The following PAK5 variants were observed in gnomAD, a reference collection of about 807,000 sequenced individuals.
The protein encoded by PAK5 is p21 (RAC1) activated kinase 5.
PAK5 carries 16 observed loss-of-function variants against 65.9 expected under a neutral mutation model. That is an observed-to-expected ratio of 0.24 (90% CI 0.16 to 0.37). The LOEUF (loss-of-function observed/expected upper bound fraction) is 0.37. Ranked by LOEUF, PAK5 falls within the 10% of genes least tolerant of loss-of-function variation. The pLI, the probability that PAK5 is intolerant of heterozygous loss-of-function variation, is 1.00. For synonymous variants in PAK5, 371 were observed against 354.9 expected, an observed-to-expected ratio of 1.05 and a Z score of -0.51; for missense variants, 785 against 903.9, an observed-to-expected ratio of 0.87 and a Z score of 1.69.
Position 9,537,853 on chromosome 20 carries a change from TAGA to T in PAK5, c.*1606_*1608del. The T allele has an allele frequency of 4.4e-6, 1 of 227,576 alleles. No homozygotes were observed. The highest frequency in any genetic ancestry group is 6.4e-5 in the East Asian group (1 of 15,600). The allele number at this position is 227,576 out of a possible 1,614,324, so 14.1% of individuals were successfully genotyped here. ...GAAAGAAAACTGAAAATCTAATCAG[TAGA>T]AGGTCATTTTATGCCTTTTTTCCTT... On this transcript the variant is annotated 3_prime_UTR_variant, in exon 10 of 10. Transcript: ENST00000353224.
chr20:9,678,430 T>C (rs1600231877), intron 2 of PAK5, among the ~76,000 whole-genome samples: 1 of 151,922 alleles, frequency 6.6e-6, no homozygotes, highest in African/African-American at 2.4e-5. Context: ...AGCCGGGCAT[T>C]GTGGCAGGCG....
intron 3 of PAK5, among the ~76,000 whole-genome samples, chr20:9,616,916 G>A (rs2046667521): frequency 1.3e-5 from 2 of 152,290 alleles, no homozygotes; most frequent in South Asian, 4.1e-4. Context: ...AAATCTTTTT[G>A]TTTATTCTTT....
intron 7 of PAK5, among the ~76,000 whole-genome samples, chr20:9,547,394 C>T (rs555561250): frequency 2.0e-5 from 3 of 152,330 alleles, no homozygotes; most frequent in South Asian, 4.1e-4. Flanking sequence ...GCTCTTACTA[C>T]CTGCCAGGTA....
intron 2 of PAK5, among the ~76,000 whole-genome samples, chr20:9,662,659 C>A (rs2047362003): frequency 6.6e-6 from 1 of 152,106 alleles, no homozygotes; most frequent in Non-Finnish European, 1.5e-5. Flanking sequence ...ACTTGCTGAC[C>A]AGGAGCACCT....
At chr20:9,592,265 G>A (rs921957146) in intron 3 of PAK5, among the ~76,000 whole-genome samples, 2 of 152,100 alleles carry the variant, frequency 1.3e-5, no homozygotes, top group African/African-American at 4.8e-5. Flanking sequence ...TCAGTGATAG[G>A]TACACTAGAA....
At chr20:9,775,248 A>G (rs2048875686) in intron 1 of PAK5, among the ~76,000 whole-genome samples, 1 of 142,978 alleles carries the variant, frequency 7.0e-6, no homozygotes, top group Admixed American at 6.9e-5. Flanking sequence ...CTGAATGTAA[A>G]TTACACCTGA....
In PAK5 at chr20:9,557,669, T is replaced by C; in HGVS notation, c.1682A>G (p.Asn561Ser). ...TATGTCCCTGTGAATCACTCCTTGG[T>C]TATGAAGGTAGGAGAGAGCTCTCAG... ...SVLRALSYLH[N>S]QGVIHRDIKS... Residue 561 changes from asparagine to serine, a missense_variant, in exon 7 of 10, where the codon AAC becomes AGC. By Grantham distance (46) the Asn-to-Ser change is conservative. Around this residue, in one of 4 missense-constraint regions of PAK5, gnomAD observed 182 missense variants for 273.0 expected, o/e 0.67. Transcript: ENST00000353224. The C allele has an allele frequency of 6.2e-7, 1 of 1,611,700 alleles. No homozygotes were observed. Among genetic ancestry groups the C allele is most frequent in the South Asian group, 1.1e-5 (1 of 90,878 alleles).
intron 2 of PAK5, among the ~76,000 whole-genome samples, chr20:9,687,487 T>C (rs1185825805): frequency 1.3e-5 from 2 of 152,240 alleles, no homozygotes; most frequent in Admixed American, 6.5e-5. Flanking sequence ...TTTTGAATTC[T>C]GATTTCCTTC....
intron 1 of PAK5, among the ~76,000 whole-genome samples, chr20:9,809,320 G>A (rs1481157379): frequency 6.7e-6 from 1 of 148,516 alleles, no homozygotes; most frequent in Admixed American, 6.8e-5. Flanking sequence ...CTACTTTTCT[G>A]TTGAGGCAAT....
At chr20:9,641,708 G>A (rs542296003) in intron 3 of PAK5, among the ~76,000 whole-genome samples, 10 of 152,160 alleles carry the variant, frequency 6.6e-5, no homozygotes, top group South Asian at 6.2e-4. Flanking sequence ...CAGGCATGGC[G>A]GGCTGCAGGT....
intron 1 of PAK5, among the ~76,000 whole-genome samples, chr20:9,821,675 C>T (rs6039596): frequency 6.6e-6 from 1 of 152,282 alleles, no homozygotes. Context: ...TCACTTTTTC[C>T]TGATCAAATA....
At chr20:9,759,789 G>C (rs2048677651) in intron 1 of PAK5, among the ~76,000 whole-genome samples, 2 of 152,144 alleles carry the variant, frequency 1.3e-5, no homozygotes, top group African/African-American at 4.8e-5. Flanking sequence ...CCTGGTCTCA[G>C]GAATGTTGGG....
At chr20:9,618,014 C>T (rs2046692536) in intron 3 of PAK5, among the ~76,000 whole-genome samples, 1 of 152,078 alleles carries the variant, frequency 6.6e-6, no homozygotes, top group African/African-American at 2.4e-5. Flanking sequence ...AAGGTCGAAC[C>T]TATCAAAAGA....
At chr20:9,801,104 G>T (rs906832109) in intron 1 of PAK5, among the ~76,000 whole-genome samples, 2 of 152,002 alleles carry the variant, frequency 1.3e-5, no homozygotes, top group Admixed American at 6.6e-5. Flanking sequence ...AAGACATAGA[G>T]GTTTCCTACT....
At chr20:9,747,594 A>T (rs1469167625) in intron 1 of PAK5, among the ~76,000 whole-genome samples, 1 of 151,750 alleles carries the variant, frequency 6.6e-6, no homozygotes, top group East Asian at 1.9e-4. Flanking sequence ...CCACATGATT[A>T]TCTCAATAGA....
chr20:9,702,986 T>C (rs1225914120), intron 2 of PAK5, among the ~76,000 whole-genome samples: 2 of 152,166 alleles, frequency 1.3e-5, no homozygotes, highest in Admixed American at 1.3e-4. Context: ...GGATCCCTTA[T>C]TGTCTTTGTG....
intron 3 of PAK5, among the ~76,000 whole-genome samples, chr20:9,614,856 T>G (rs1600144922): frequency 6.6e-6 from 1 of 152,194 alleles, no homozygotes; most frequent in African/African-American, 2.4e-5. Context: ...AAAATTGTTA[T>G]AGGTCAGAAG....
intron 1 of PAK5, among the ~76,000 whole-genome samples, chr20:9,723,500 T>C (rs1431002270): frequency 6.6e-6 from 1 of 152,186 alleles, no homozygotes; most frequent in African/African-American, 2.4e-5. Flanking sequence ...CATCTTTCAC[T>C]GTATAAGTGC....
intron 3 of PAK5, among the ~76,000 whole-genome samples, chr20:9,631,023 G>A (rs2046914177): frequency 6.6e-6 from 1 of 152,142 alleles, no homozygotes; most frequent in African/African-American, 2.4e-5. Context: ...TTACTCCCAA[G>A]CACTCCATCA....
Sources: gnomAD v4.1 joint callset for allele counts (sites outside exome capture counted in the v4.1 genomes callset) on GRCh38, gnomAD v4.1.1 for gene constraint, gnomAD v4.1.1 regional missense constraint, MANE v1.5 for transcripts, NCBI Gene and HGNC (gene_info 2026-07-23, HGNC 2026-07-21) for gene names.